NALF1: variants seen among roughly 807,000 people sequenced by gnomAD.
NALF1 encodes the protein NALCN channel auxiliary factor 1.
Under a neutral mutation model 48.4 loss-of-function variants are expected in NALF1, and 3 were observed. That is an observed-to-expected ratio of 0.06 (90% CI 0.03 to 0.16). The LOEUF (loss-of-function observed/expected upper bound fraction) is 0.16. Ranked by LOEUF, NALF1 falls within the 10% of genes least tolerant of loss-of-function variation. The probability of loss-of-function intolerance (pLI) is 1.00; values close to 1 mark genes in which losing one functional copy is unlikely to be tolerated. For missense variants in NALF1, 526 were observed against 571.5 expected (o/e 0.92, Z 0.81); for synonymous variants, 262 against 245.7 (o/e 1.07, Z -0.62).
At chr13:107,312,735 A>C (rs1349102092) in intron 1 of NALF1, among the ~76,000 whole-genome samples, 1 of 152,182 alleles carries the variant, frequency 6.6e-6, no homozygotes, top group Non-Finnish European at 1.5e-5. Context: ...ATAAAAGAAA[A>C]TGGAGAAGGG....
intron 1 of NALF1, among the ~76,000 whole-genome samples, chr13:107,823,076 A>G (rs1282719608): frequency 6.6e-6 from 1 of 152,190 alleles, no homozygotes; most frequent in Non-Finnish European, 1.5e-5. Context: ...TGTCAAAAGC[A>G]TTTGTTTAGT....
intron 1 of NALF1, among the ~76,000 whole-genome samples, chr13:107,230,817 T>C (rs1294481569): frequency 6.6e-6 from 1 of 151,984 alleles, no homozygotes; most frequent in Non-Finnish European, 1.5e-5. Context: ...CCCAGCACGT[T>C]GGGAGGCCAA....
chr13:107,394,890 C>T (rs1566323929), intron 1 of NALF1, among the ~76,000 whole-genome samples: 1 of 152,136 alleles, frequency 6.6e-6, no homozygotes. Flanking sequence ...AAAACAGTCT[C>T]TACCATTATT....
intron 1 of NALF1, among the ~76,000 whole-genome samples, chr13:107,696,134 TA>T (rs1298773009): frequency 2.6e-5 from 4 of 152,146 alleles, no homozygotes; most frequent in Non-Finnish European, 4.4e-5. Flanking sequence ...TGATCTCAGC[TA>T]ATCTGCCCTT....
At chr13:107,463,168 A>T (rs1884947542) in intron 1 of NALF1, among the ~76,000 whole-genome samples, 1 of 152,228 alleles carries the variant, frequency 6.6e-6, no homozygotes, top group African/African-American at 2.4e-5. Context: ...ATTTTATATA[A>T]ATTATTTTAT....
At chr13:107,360,703 T>C (rs1883046250) in intron 1 of NALF1, among the ~76,000 whole-genome samples, 1 of 152,288 alleles carries the variant, frequency 6.6e-6, no homozygotes, top group South Asian at 2.1e-4. Context: ...TGAGTATCAT[T>C]GTCACAAATG....
At chr13:107,451,536 C>T (rs1290420737) in intron 1 of NALF1, among the ~76,000 whole-genome samples, 1 of 152,124 alleles carries the variant, frequency 6.6e-6, no homozygotes, top group Non-Finnish European at 1.5e-5. Context: ...TTAAAGATAG[C>T]TAGGATAAGC....
chr13:107,288,724 G>A (rs1478651200), intron 1 of NALF1, among the ~76,000 whole-genome samples: 1 of 150,802 alleles, frequency 6.6e-6, no homozygotes, highest in Non-Finnish European at 1.5e-5. Flanking sequence ...GTAGAGTCGG[G>A]GTTTCGCCAT....
At chr13:107,178,931 T>A (rs1265727979) in intron 2 of NALF1, among the ~76,000 whole-genome samples, 3 of 149,808 alleles carry the variant, frequency 2.0e-5, no homozygotes, top group Non-Finnish European at 4.4e-5. Flanking sequence ...GGTCACAGAG[T>A]GAGACTCTGT....
chr13:107,779,293 A>G (rs1237219954), intron 1 of NALF1, among the ~76,000 whole-genome samples: 1 of 152,228 alleles, frequency 6.6e-6, no homozygotes, highest in East Asian at 1.9e-4. Flanking sequence ...AAGTTTGCTC[A>G]GAACCAGAAA....
At chr13:107,495,221 T>C (rs1010309365) in intron 1 of NALF1, among the ~76,000 whole-genome samples, 5 of 152,114 alleles carry the variant, frequency 3.3e-5, no homozygotes, top group African/African-American at 1.2e-4. Context: ...TTTCATCAGA[T>C]ACTACAAACA....
chr13:107,660,491 G>C (rs1368170928), intron 1 of NALF1, among the ~76,000 whole-genome samples: 3 of 109,176 alleles, frequency 2.7e-5, no homozygotes, highest in East Asian at 5.1e-4. Context: ...ACACAACAAA[G>C]AAACAAAAAA....
intron 2 of NALF1, among the ~76,000 whole-genome samples, chr13:107,200,907 G>T (rs907187429): frequency 6.6e-6 from 1 of 152,162 alleles, no homozygotes; most frequent in African/African-American, 2.4e-5. Context: ...CTACTCATTG[G>T]TGGCATCAGA....
chr13:107,837,844 T>G (rs951872462), intron 1 of NALF1, among the ~76,000 whole-genome samples: 2 of 152,144 alleles, frequency 1.3e-5, no homozygotes, highest in Non-Finnish European at 2.9e-5. Context: ...TCTAAGATCA[T>G]TTGATGGAGG....
chr13:107,457,418 T>C (rs1884841768), intron 1 of NALF1, among the ~76,000 whole-genome samples: 1 of 152,122 alleles, frequency 6.6e-6, no homozygotes, highest in Admixed American at 6.6e-5. Context: ...CATGAGATAA[T>C]TGGTTAAGTG....
intron 1 of NALF1, among the ~76,000 whole-genome samples, chr13:107,479,578 AAC>A (rs1885222919): frequency 6.6e-6 from 1 of 152,234 alleles, no homozygotes; most frequent in African/African-American, 2.4e-5. Context: ...AGAATGGTTA[AAC>A]AGTTAATTTC....
At chr13:107,405,177 G>C (rs10467233) in intron 1 of NALF1, among the ~76,000 whole-genome samples, 194 of 152,052 alleles carry the variant, frequency 1.3e-3, no homozygotes, top group African/African-American at 4.6e-3. Flanking sequence ...CCCAAAAATT[G>C]AGGCACCATG....
intron 1 of NALF1, among the ~76,000 whole-genome samples, chr13:107,636,799 C>T (rs1879988664): frequency 6.6e-6 from 1 of 151,254 alleles, no homozygotes; most frequent in Non-Finnish European, 1.5e-5. Context: ...CCTTTTCTCG[C>T]ACTTAAAAGT....
intron 1 of NALF1, among the ~76,000 whole-genome samples, chr13:107,662,144 T>C (rs898736191): frequency 2.0e-5 from 3 of 152,220 alleles, no homozygotes; most frequent in Admixed American, 6.5e-5. Context: ...TTCTGACATA[T>C]GCTGTTCTCT....
Sources: allele counts gnomAD v4.1 joint callset (sites outside exome capture counted in the v4.1 genomes callset), GRCh38; gene constraint gnomAD v4.1.1; transcripts MANE v1.5; gene names NCBI Gene and HGNC (gene_info 2026-07-23, HGNC 2026-07-21).